EYS: variants seen among roughly 807,000 people sequenced by gnomAD.
EYS encodes the protein EGF-like photoreceptor maintenance factor, also known as protein eyes shut homolog.
EYS carries 250 observed loss-of-function variants against 282.1 expected under a neutral mutation model. The observed-to-expected ratio is 0.89, with a 90% CI of 0.80 to 0.98. The LOEUF (loss-of-function observed/expected upper bound fraction) is 0.98. EYS is among the 50% of genes least tolerant of loss of function. The pLI, the probability that EYS is intolerant of heterozygous loss-of-function variation, is 0.00. For missense variants in EYS, 4,016 were observed against 3,709.0 expected (o/e 1.08, Z -2.15); for synonymous variants, 1,355 against 1,282.9 (o/e 1.06, Z -1.20).
intron 30 of EYS, among the ~76,000 whole-genome samples, chr6:64,296,598 ATTTTTTTTT>A (rs1173183488): frequency 1.5e-4 from 3 of 20,126 alleles, no homozygotes; most frequent in South Asian, 2.3e-3. Context: ...ATATATATAT[ATTTTTTTTT>A]TTTTTTTTTT....
chr6:65,233,398 G>T (rs1462875435), intron 12 of EYS, among the ~76,000 whole-genome samples: 2 of 152,074 alleles, frequency 1.3e-5, no homozygotes, highest in South Asian at 2.1e-4. Flanking sequence ...CTCTGTGAGG[G>T]ATATTTTCCT....
In EYS at chr6:63,778,010, C is replaced by G; in HGVS notation, c.7894G>C (p.Val2632Leu). 11 of 1,551,572 alleles carry G rather than the reference C, an allele frequency of 7.1e-6. No individual in the cohort carries two copies. The highest frequency in any genetic ancestry group is 8.7e-6 in the Non-Finnish European group (10 of 1,146,856). ...GGTCIESGTS[V>L]YCNCTTGWKG... ...TCCTAATAACGTCATACTTACTAAA[C>G]ACTAGTTCCACTCTCTATGCATGTC... The change falls in exon 40 of 43, where the codon GTT becomes CTT. Residue 2632 changes from valine (V) to leucine (L), a missense_variant. Coordinates refer to ENST00000503581, the MANE Select transcript of EYS (RefSeq NM_001142800.2).
intron 8 of EYS, among the ~76,000 whole-genome samples, chr6:65,379,269 C>T (rs916212481): frequency 3.3e-5 from 5 of 151,960 alleles, no homozygotes; most frequent in South Asian, 2.1e-4. Context: ...TTATCCACCA[C>T]GACCAATTTG....
At chr6:64,155,502 C>CA (rs78083575) in intron 31 of EYS, among the ~76,000 whole-genome samples, 9,080 of 152,062 alleles carry the variant, frequency 0.06, 784 homozygotes, top group African/African-American at 0.19. Flanking sequence ...AGTTAAGAGG[C>CA]ACATGCATTG....
intron 22 of EYS, among the ~76,000 whole-genome samples, chr6:64,695,786 T>C (rs756027246): frequency 8.6e-5 from 13 of 152,032 alleles, no homozygotes; most frequent in Non-Finnish European, 8.8e-5. Context: ...GGTTTCACTA[T>C]GTTGGCCATG....
rs560021801 is a variant in EYS, at chr6:64,495,634, T to G, written c.5645-56282A>C. ...CTGATGGCTTTTGTTGTGGAAACAG[T>G]GTAACAGATGGAGTCAATTTGAACA... On this transcript the variant is annotated intron_variant, in intron 26 of 42. Coordinates refer to ENST00000503581, the MANE Select transcript of EYS (RefSeq NM_001142800.2). Among the ~76,000 whole-genome samples, 144 of 151,976 alleles carry G rather than the reference T, an allele frequency of 9.5e-4. 1 individual carries two copies. Among genetic ancestry groups the G allele is most frequent in the Non-Finnish European group, 1.1e-3 (74 of 67,860 alleles).
At chr6:65,110,503 G>A (rs148125725) in intron 12 of EYS, among the ~76,000 whole-genome samples, 40 of 152,162 alleles carry the variant, frequency 2.6e-4, no homozygotes, top group African/African-American at 7.9e-4. Flanking sequence ...ATTTGAATTC[G>A]TTCTTGAAAA....
At chr6:65,336,584 G>A (rs73443156) in intron 10 of EYS, among the ~76,000 whole-genome samples, 10,648 of 151,428 alleles carry the variant, frequency 0.07, 832 homozygotes, top group African/African-American at 0.2. Flanking sequence ...TGTATTGATA[G>A]ACAGATCCAT....
intron 9 of EYS, among the ~76,000 whole-genome samples, chr6:65,346,283 G>C (rs909981822): frequency 2.6e-5 from 4 of 151,218 alleles, no homozygotes; most frequent in Non-Finnish European, 4.4e-5. Flanking sequence ...CCAAACGAGA[G>C]AGAACAAATC....
intron 31 of EYS, among the ~76,000 whole-genome samples, chr6:64,119,132 G>T (rs1025134308): frequency 6.6e-6 from 1 of 151,952 alleles, no homozygotes; most frequent in African/African-American, 2.4e-5. Context: ...TTACTGAACT[G>T]GTTTCCATAA....
At chr6:64,392,142 T>A (rs529960200) in intron 28 of EYS, among the ~76,000 whole-genome samples, 1 of 143,686 alleles carries the variant, frequency 7.0e-6, no homozygotes, top group African/African-American at 2.5e-5. Context: ...CTGAGTGACC[T>A]ACAAAGAGAC....
At chr6:64,282,641 C>A (rs1320423037) in intron 30 of EYS, among the ~76,000 whole-genome samples, 1 of 152,112 alleles carries the variant, frequency 6.6e-6, no homozygotes, top group East Asian at 1.9e-4. Context: ...CCACAGATTT[C>A]TTAAGCATAA....
intron 22 of EYS, among the ~76,000 whole-genome samples, chr6:64,713,874 T>C (rs1198413283): frequency 6.6e-6 from 1 of 152,154 alleles, no homozygotes; most frequent in African/African-American, 2.4e-5. Context: ...TTGGCAAAGC[T>C]CCATGAAACG....
intron 26 of EYS, among the ~76,000 whole-genome samples, chr6:64,578,283 T>G (rs1234345275): frequency 6.6e-6 from 1 of 152,088 alleles, no homozygotes; most frequent in Non-Finnish European, 1.5e-5. Flanking sequence ...TCCCCCATTA[T>G]ATATGTGACT....
intron 14 of EYS, among the ~76,000 whole-genome samples, chr6:64,993,943 T>A (rs1771163542): frequency 6.6e-6 from 1 of 151,386 alleles, no homozygotes; most frequent in Non-Finnish European, 1.5e-5. Flanking sequence ...TGCAGAGTTG[T>A]TCCTTCCACA....
chr6:64,327,768 T>A (rs1027360903), intron 29 of EYS, among the ~76,000 whole-genome samples: 1 of 152,120 alleles, frequency 6.6e-6, no homozygotes, highest in African/African-American at 2.4e-5. Context: ...AGGCCCCACC[T>A]GAAGAGTTAG....
intron 5 of EYS, among the ~76,000 whole-genome samples, chr6:65,483,904 G>A (rs186556947): frequency 4.6e-5 from 7 of 152,018 alleles, no homozygotes; most frequent in South Asian, 2.1e-4. Context: ...TAAAACCATC[G>A]GCTCTCGTGA....
At chr6:64,056,549 G>A (rs1770991946) in intron 33 of EYS, among the ~76,000 whole-genome samples, 1 of 152,126 alleles carries the variant, frequency 6.6e-6, no homozygotes, top group South Asian at 2.1e-4. Flanking sequence ...TTTCCCTGAG[G>A]CTAAGGTGCC....
intron 29 of EYS, among the ~76,000 whole-genome samples, chr6:64,341,617 A>T (rs1380117689): frequency 1.3e-5 from 2 of 151,684 alleles, no homozygotes; most frequent in East Asian, 3.9e-4. Flanking sequence ...TGGCTCCCCT[A>T]CACCCATGTA....
Sources: allele counts gnomAD v4.1 joint callset (sites outside exome capture counted in the v4.1 genomes callset), GRCh38; gene constraint gnomAD v4.1.1; transcripts MANE v1.5; gene names NCBI Gene and HGNC (gene_info 2026-07-23, HGNC 2026-07-21).